Variants in SLCO2A1 observed in about 807,000 individuals in gnomAD.
SLCO2A1 encodes the protein solute carrier organic anion transporter family member 2A1.
In SLCO2A1, 60 loss-of-function variants were observed where a neutral mutation model predicts 71.7. The ratio of observed to expected loss-of-function variants is 0.84; its 90% CI spans 0.68 to 1.04. The LOEUF is 1.04. Ranked by LOEUF, SLCO2A1 falls within the 50% of genes least tolerant of loss-of-function variation. The pLI is 0.00. For synonymous variants in SLCO2A1, 308 were observed against 326.7 expected, an observed-to-expected ratio of 0.94 and a Z score of 0.62; for missense variants, 745 against 813.4, an observed-to-expected ratio of 0.92 and a Z score of 1.02.
At chr3:133,973,337 C>T (rs1189334856) in intron 3 of SLCO2A1, among the ~76,000 whole-genome samples, 1 of 152,216 alleles carries the variant, frequency 6.6e-6, no homozygotes, top group African/African-American at 2.4e-5. Context: ...ACAAAATCCA[C>T]AGACTTCATC....
At chr3:134,026,602 G>A (rs762045474) in intron 1 of SLCO2A1, among the ~76,000 whole-genome samples, 53 of 151,964 alleles carry the variant, frequency 3.5e-4, no homozygotes, top group Non-Finnish European at 6.9e-4. Context: ...GAGGATACCA[G>A]ACCCCCATTT....
chr3:133,937,867 G>A (rs191296213), intron 12 of SLCO2A1, among the ~76,000 whole-genome samples: 321 of 152,322 alleles, frequency 2.1e-3, no homozygotes, highest in Non-Finnish European at 3.9e-3. Flanking sequence ...AGGCACCCCG[G>A]GAGAGCACTC....
chr3:133,993,488 A>G (rs942818156), intron 1 of SLCO2A1, among the ~76,000 whole-genome samples: 1 of 152,220 alleles, frequency 6.6e-6, no homozygotes, highest in Non-Finnish European at 1.5e-5. Context: ...TTGAAAAAAA[A>G]TTCTGGAAGA....
At chr3:133,939,570 G>A (rs962182574) in intron 11 of SLCO2A1, among the ~76,000 whole-genome samples, 2 of 152,226 alleles carry the variant, frequency 1.3e-5, no homozygotes, top group Admixed American at 1.3e-4. Context: ...GTCCCCCTGA[G>A]GGATGGCCCA....
chr3:134,029,422 G>A (rs73864036), intron 1 of SLCO2A1, among the ~76,000 whole-genome samples: 29,933 of 151,998 alleles, frequency 0.2, 3,674 homozygotes, highest in African/African-American at 0.34. Flanking sequence ...CCGAGTAAGC[G>A]GTAAGCAGGT....
chr3:133,941,021 T>C (rs1300867380), intron 11 of SLCO2A1, among the ~76,000 whole-genome samples: 4 of 152,204 alleles, frequency 2.6e-5, no homozygotes, highest in African/African-American at 9.7e-5. Flanking sequence ...GGGTCAAGGA[T>C]AACTGACACA....
rs73861300 is a variant in SLCO2A1 at position 133,995,753 on chromosome 3, C to T, written c.97-16135G>A. On this transcript the variant is annotated intron_variant, in intron 1 of 13. Transcript: ENST00000310926. Reference sequence around the variant, plus strand: ...GAGTAATCTTCTCCACAAACAATGACGAATGATTTCAGAAGAAAAGAATAA... The same window carrying T: ...GAGTAATCTTCTCCACAAACAATGATGAATGATTTCAGAAGAAAAGAATAA... Among the ~76,000 whole-genome samples, 833 of 152,270 alleles carry T rather than the reference C, an allele frequency of 5.5e-3. 9 individuals are homozygous for T. Among genetic ancestry groups the T allele is most frequent in the South Asian group, 0.018 (86 of 4,816 alleles).
Position 133,934,498 on chromosome 3 carries a change from C to A in SLCO2A1, c.*215G>T, listed in dbSNP as rs1240166129. ...AAGGGGCCAGGGAAGACTCAGCCCC[C>A]CAGTTCTGGCCCACACAGCCCGGGT... On this transcript the variant is annotated 3_prime_UTR_variant, in exon 14 of 14. Coordinates refer to ENST00000310926, the MANE Select transcript of SLCO2A1 (RefSeq NM_005630.3). The A allele has an allele frequency of 1.5e-5, 7 of 462,144 alleles. No homozygotes were observed. Among genetic ancestry groups the A allele is most frequent in the Non-Finnish European group, 2.7e-5 (7 of 255,558 alleles). 28.6% of individuals were successfully genotyped at this position (462,144 alleles called of 1,614,324 possible).
At chr3:133,964,129 T>C (rs1321501458) in intron 3 of SLCO2A1, among the ~76,000 whole-genome samples, 1 of 152,296 alleles carries the variant, frequency 6.6e-6, no homozygotes, top group East Asian at 1.9e-4. Context: ...GAGAACATAG[T>C]CTTCTGCCCC....
At chr3:134,006,122 T>C (rs1935209692) in intron 1 of SLCO2A1, among the ~76,000 whole-genome samples, 1 of 152,168 alleles carries the variant, frequency 6.6e-6, no homozygotes. Flanking sequence ...AGTGGTGCAA[T>C]CATGGCTAAA....
rs140035377 is a variant in SLCO2A1, at chr3:133,997,164, G to A, written c.97-17546C>T. ...GGGGATCTCCACTTCCCTCCCCAGA[G>A]TGCCTCTCACCTCCAGCCCCAAAAG... On this transcript the variant is annotated intron_variant, in intron 1 of 13. Transcript: ENST00000310926. Among the ~76,000 whole-genome samples, 1,156 of 152,262 alleles carry A rather than the reference G, an allele frequency of 7.6e-3. 13 individuals are homozygous for A. The highest frequency in any genetic ancestry group is 0.024 in the African/African-American group (977 of 41,550).
At chr3:134,021,543 G>T (rs1256492661) in intron 1 of SLCO2A1, among the ~76,000 whole-genome samples, 1 of 152,004 alleles carries the variant, frequency 6.6e-6, no homozygotes, top group Non-Finnish European at 1.5e-5. Context: ...AGCATAAGTG[G>T]CTGGCAGAGG....
chr3:133,993,652 T>G (rs1286360693), intron 1 of SLCO2A1, among the ~76,000 whole-genome samples: 2 of 152,250 alleles, frequency 1.3e-5, no homozygotes, highest in Non-Finnish European at 2.9e-5. Flanking sequence ...ATTAATTTTT[T>G]TTTTAAGCCA....
chr3:134,023,652 T>C (rs538487237), intron 1 of SLCO2A1, among the ~76,000 whole-genome samples: 9 of 152,368 alleles, frequency 5.9e-5, no homozygotes, highest in African/African-American at 2.2e-4. Flanking sequence ...ACATTCATTT[T>C]ACTAGAGGAT....
At position 133,942,669 on chromosome 3, in the gene SLCO2A1, GGAA is replaced by G. The variant is rs949936423; in HGVS notation, c.1558_1560del (p.Phe520del). ...GCTATCAGGGACACGAAGGAGATGA[GGAA>G]GATGGCCGGGAGCAGGAAGTGGGCA... is the stretch of plus-strand genomic sequence containing the variant. On this transcript the variant is annotated inframe_deletion, in exon 11 of 14. Coordinates refer to ENST00000310926, the MANE Select transcript of SLCO2A1 (RefSeq NM_005630.3). 1.2e-6 allele frequency: 2 copies of G among 1,613,984 alleles called. No individual in the cohort carries two copies. The highest frequency in any genetic ancestry group is 3.3e-5 in the Admixed American group (2 of 59,998).
At chr3:134,019,897 A>G (rs1935534908) in intron 1 of SLCO2A1, among the ~76,000 whole-genome samples, 1 of 152,034 alleles carries the variant, frequency 6.6e-6, no homozygotes, top group South Asian at 2.1e-4. Flanking sequence ...CACCCCTCAT[A>G]TTGTCTTATG....
Position 133,948,521 on chromosome 3 carries a change from A to C in SLCO2A1, c.1105+15T>G, listed in dbSNP as rs1559931564. On this transcript the variant is annotated intron_variant, in intron 8 of 13. Transcript: ENST00000310926. ...AGGCAAGCCCTGCGGATCCTGCAGCACCCTCTGGGCTCACCAATGAGGAAG... is the reference window on the plus strand; with the variant it reads ...AGGCAAGCCCTGCGGATCCTGCAGCCCCCTCTGGGCTCACCAATGAGGAAG... 6.2e-7 allele frequency: 1 copy of C among 1,609,584 alleles called. No homozygotes were observed. The highest frequency in any genetic ancestry group is 8.5e-7 in the Non-Finnish European group (1 of 1,177,760).
intron 1 of SLCO2A1, among the ~76,000 whole-genome samples, chr3:134,001,238 G>A (rs1935097774): frequency 6.6e-6 from 1 of 152,052 alleles, no homozygotes; most frequent in Non-Finnish European, 1.5e-5. Context: ...AGCATCCCAA[G>A]TAGCTGGGAC....
chr3:133,935,244 C>A (rs1281260047), intron 13 of SLCO2A1, among the ~76,000 whole-genome samples: 1 of 152,220 alleles, frequency 6.6e-6, no homozygotes, highest in Non-Finnish European at 1.5e-5. Flanking sequence ...CCCCTCAAGC[C>A]CACCTTCCTG....
Sources: allele counts gnomAD v4.1 joint callset (sites outside exome capture counted in the v4.1 genomes callset), GRCh38; gene constraint gnomAD v4.1.1; transcripts MANE v1.5; gene names NCBI Gene and HGNC (gene_info 2026-07-23, HGNC 2026-07-21).